Variants in NME7 observed in about 807,000 individuals in gnomAD.
NME7 encodes NME/NM23 family member 7, also known as nucleoside diphosphate kinase 7.
A neutral mutation model predicts 49.1 loss-of-function variants in NME7; 41 were observed. The observed-to-expected ratio is 0.83, with a 90% CI of 0.65 to 1.08. The LOEUF (loss-of-function observed/expected upper bound fraction) is 1.08. Among genes scored for constraint, NME7 ranks in the 50% least tolerant of loss-of-function variants. The pLI is 0.00. For synonymous variants in NME7, 139 were observed against 150.6 expected (o/e 0.92, Z 0.56); for missense variants, 423 against 463.4 (o/e 0.91, Z 0.80).
rs369230839 is a variant in NME7, at chr1:169,235,224, A to C, written c.820-25T>G. On this transcript the variant is annotated intron_variant, in intron 8 of 11. Coordinates refer to ENST00000367811, the MANE Select transcript of NME7 (RefSeq NM_013330.5). ...ACTATATTAAAAAATAAAACAAAACAAAACCATAAACCAACCAACAAAAGG... is the reference window on the plus strand; with the variant it reads ...ACTATATTAAAAAATAAAACAAAACCAAACCATAAACCAACCAACAAAAGG... 4.2e-4 allele frequency: 571 copies of C among 1,353,188 alleles called. 2 individuals are homozygous for C. In the African/African-American group the frequency reaches 7.6e-3, roughly 18 times the overall value. The allele number at this position is 1,353,188 out of a possible 1,614,324, so 83.8% of individuals were successfully genotyped here.
chr1:169,240,284 AT>A (rs906764166), intron 7 of NME7, among the ~76,000 whole-genome samples: 5 of 151,818 alleles, frequency 3.3e-5, no homozygotes, highest in Admixed American at 6.6e-5. Flanking sequence ...AGATTATAGT[AT>A]TTTTTTTAAT....
intron 4 of NME7, among the ~76,000 whole-genome samples, chr1:169,304,173 A>C (rs938521787): frequency 3.3e-5 from 5 of 152,242 alleles, no homozygotes; most frequent in African/African-American, 1.2e-4. Context: ...AAGAATATCT[A>C]CAGCGGCAAT....
chr1:169,226,729 G>A (rs1647356764), intron 10 of NME7, among the ~76,000 whole-genome samples: 1 of 152,080 alleles, frequency 6.6e-6, no homozygotes, highest in African/African-American at 2.4e-5. Flanking sequence ...AGTAATATAA[G>A]TACTTTAAAG....
intron 7 of NME7, chr1:169,286,385 T>C (rs1477076986): frequency 1.3e-5 from 2 of 152,124 alleles, no homozygotes; most frequent in East Asian, 3.9e-4. Context: ...CTGTATATTA[T>C]TTAGTATATT....
At chr1:169,180,207 T>C (rs546739333) in intron 10 of NME7, among the ~76,000 whole-genome samples, 1 of 152,304 alleles carries the variant, frequency 6.6e-6, no homozygotes, top group South Asian at 2.1e-4. Flanking sequence ...ATAAAATGTC[T>C]AATGGTGTCT....
chr1:169,169,579 G>T, intron 10 of NME7, 25 bp from the exon 11 acceptor site: 2 of 1,583,166 alleles, frequency 1.3e-6, no homozygotes, highest in South Asian at 1.1e-5. Context: ...TTCACATATA[G>T]ATTAATGTTA....
intron 1 of NME7, among the ~76,000 whole-genome samples, chr1:169,333,613 T>C (rs1022464811): frequency 6.6e-6 from 1 of 151,840 alleles, no homozygotes. Flanking sequence ...CCCATAAATA[T>C]ATATATCTAC....
chr1:169,316,684 T>C (rs1651641226), intron 3 of NME7, among the ~76,000 whole-genome samples: 1 of 152,248 alleles, frequency 6.6e-6, no homozygotes, highest in South Asian at 2.1e-4. Flanking sequence ...AAGCCTGCTA[T>C]TGGTGGCTTT....
intron 10 of NME7, among the ~76,000 whole-genome samples, chr1:169,177,746 A>G (rs192208635): frequency 6.6e-6 from 1 of 152,192 alleles, no homozygotes; most frequent in East Asian, 1.9e-4. Context: ...AGTCACATCA[A>G]CCCCTTCCAA....
intron 7 of NME7, among the ~76,000 whole-genome samples, chr1:169,250,100 C>G (rs1163577061): frequency 6.6e-6 from 1 of 151,710 alleles, no homozygotes; most frequent in Non-Finnish European, 1.5e-5. Context: ...CATGTGGCCC[C>G]AAGCTATTTT....
intron 10 of NME7, among the ~76,000 whole-genome samples, chr1:169,215,410 G>A (rs1438816496): frequency 6.6e-6 from 1 of 152,124 alleles, no homozygotes; most frequent in Non-Finnish European, 1.5e-5. Context: ...AGGCAAATAG[G>A]GATAGAAGTT....
intron 4 of NME7, among the ~76,000 whole-genome samples, chr1:169,308,057 A>T (rs1424557791): frequency 6.6e-6 from 1 of 152,120 alleles, no homozygotes. Flanking sequence ...CAAATGAAGA[A>T]ATAAACACAG....
chr1:169,304,565 G>T (rs1571372702), intron 4 of NME7, among the ~76,000 whole-genome samples: 1 of 152,052 alleles, frequency 6.6e-6, no homozygotes, highest in Non-Finnish European at 1.5e-5. Context: ...CCCGAGACAT[G>T]GAAAGGAGAA....
intron 7 of NME7, among the ~76,000 whole-genome samples, chr1:169,282,887 A>C (rs1004463795): frequency 2.0e-5 from 3 of 152,182 alleles, no homozygotes; most frequent in East Asian, 1.9e-4. Context: ...ATTTTAGAAT[A>C]AGTGTGATGA....
chr1:169,178,820 C>CTTTTTTTTTTTTT, intron 10 of NME7, among the ~76,000 whole-genome samples: 1 of 124,334 alleles, frequency 8.0e-6, no homozygotes, highest in Non-Finnish European at 1.6e-5. Context: ...GAAACCTCTT[C>CTTTTTTTTTTTTT]TTTTTTTTTT....
chr1:169,217,789 G>A (rs1403208898), intron 10 of NME7, among the ~76,000 whole-genome samples: 1 of 152,158 alleles, frequency 6.6e-6, no homozygotes, highest in African/African-American at 2.4e-5. Context: ...CAATTGCATG[G>A]TGTAGCCTTT....
chr1:169,144,665 C>T (rs1658699168), intron 11 of NME7, among the ~76,000 whole-genome samples: 2 of 152,054 alleles, frequency 1.3e-5, no homozygotes, highest in African/African-American at 4.8e-5. Flanking sequence ...GCCGTAGTGC[C>T]TAGAACAGTG....
At chr1:169,300,548 A>G (rs1238938088) in intron 5 of NME7, among the ~76,000 whole-genome samples, 1 of 152,166 alleles carries the variant, frequency 6.6e-6, no homozygotes, top group Non-Finnish European at 1.5e-5. Context: ...ATTACATGTC[A>G]AATATTTAGA....
At chr1:169,285,177 C>A (rs781664546) in intron 7 of NME7, 2 of 151,934 alleles carry the variant, frequency 1.3e-5, no homozygotes, top group South Asian at 2.1e-4. Flanking sequence ...TCTGTAGATA[C>A]GTATTTGTGG....
Sources: gnomAD v4.1 joint callset for allele counts (sites outside exome capture counted in the v4.1 genomes callset) on GRCh38, gnomAD v4.1.1 for gene constraint, MANE v1.5 for transcripts, NCBI Gene and HGNC (gene_info 2026-07-23, HGNC 2026-07-21) for gene names.